The following ZCCHC8 variants were observed in gnomAD, a reference collection of about 807,000 sequenced individuals.
The protein encoded by ZCCHC8 is zinc finger CCHC-type containing 8, also known as zinc finger CCHC domain-containing protein 8.
In ZCCHC8, 27 loss-of-function variants were observed where a neutral mutation model predicts 70.6. The ratio of observed to expected loss-of-function variants is 0.38; its 90% CI spans 0.28 to 0.53. The LOEUF (loss-of-function observed/expected upper bound fraction) is 0.53, where lower values mean the gene tolerates loss of function less well. Ranked by LOEUF, ZCCHC8 falls within the 20% of genes least tolerant of loss-of-function variation. The probability of loss-of-function intolerance (pLI) is 0.81; values close to 1 mark genes in which losing one functional copy is unlikely to be tolerated. For synonymous variants in ZCCHC8, 293 were observed against 317.4 expected (o/e 0.92, Z 0.82); for missense variants, 737 against 876.9 (o/e 0.84, Z 2.01).
At chr12:122,491,303 C>G (rs891901860) in intron 3 of ZCCHC8, among the ~76,000 whole-genome samples, 6 of 152,106 alleles carry the variant, frequency 3.9e-5, no homozygotes, top group African/African-American at 1.4e-4. Context: ...TGTAGATGGG[C>G]AGATCACTTG....
At chr12:122,488,991 T>A (rs1365931333) in intron 5 of ZCCHC8, among the ~76,000 whole-genome samples, 4 of 152,128 alleles carry the variant, frequency 2.6e-5, no homozygotes, top group Non-Finnish European at 5.9e-5. Flanking sequence ...CCTGTTAACT[T>A]CTTCTGTTTT....
Position 122,494,534 on chromosome 12 carries a change from T to A in ZCCHC8, c.243-1745A>T, listed in dbSNP as rs547433365. Among the ~76,000 whole-genome samples, 17 of 138,630 alleles carry A rather than the reference T, an allele frequency of 1.2e-4. 1 individual carries two copies. In the East Asian group the frequency reaches 2.6e-3, roughly 21 times the overall value. 90.9% of individuals were successfully genotyped at this position (138,630 alleles called of 152,430 possible). On this transcript the variant is annotated intron_variant, in intron 2 of 13. Coordinates refer to ENST00000633063, the MANE Select transcript of ZCCHC8 (RefSeq NM_017612.5). ...AAGATTGTGCCACTGCACTCCAGCC[T>A]GGGCAACACAGCGAGACTCTGTTTC...
intron 2 of ZCCHC8, among the ~76,000 whole-genome samples, chr12:122,496,184 A>AC (rs397708261): frequency 3.3e-5 from 5 of 151,398 alleles, no homozygotes; most frequent in African/African-American, 7.3e-5. Flanking sequence ...TTAAAAAAAA[A>AC]CAAAAACCAG....
intron 11 of ZCCHC8, among the ~76,000 whole-genome samples, chr12:122,479,951 C>T (rs1388403791): frequency 1.3e-5 from 2 of 152,148 alleles, no homozygotes; most frequent in Non-Finnish European, 2.9e-5. Flanking sequence ...GCCAGGACTA[C>T]AGGCATGTGC....
chr12:122,492,814 C>A, intron 2 of ZCCHC8, 25 bp from the exon 3 acceptor site: 2 of 1,439,360 alleles, frequency 1.4e-6, no homozygotes, highest in Admixed American at 2.1e-5. Flanking sequence ...AGAACATATT[C>A]TTAGAAGATA....
intron 5 of ZCCHC8, among the ~76,000 whole-genome samples, chr12:122,484,891 C>A (rs1187709456): frequency 2.0e-5 from 3 of 152,156 alleles, no homozygotes; most frequent in African/African-American, 7.2e-5. Flanking sequence ...CTAAAAACAT[C>A]TTCCTCCCTT....
At chr12:122,491,658 G>A (rs986691926) in intron 3 of ZCCHC8, among the ~76,000 whole-genome samples, 6 of 151,698 alleles carry the variant, frequency 4.0e-5, no homozygotes, top group Admixed American at 6.6e-5. Context: ...GAGAAACCCC[G>A]TCTCTACTAA....
In ZCCHC8 at chr12:122,480,273, G is replaced by C. The variant is rs1957505749; in HGVS notation, c.1057C>G (p.Gln353Glu). Residue 353 changes from glutamine (Q) to glutamate (E), a missense_variant, in exon 11 of 14, where the codon CAG (glutamine) becomes GAG (glutamate). Coordinates refer to ENST00000633063, the MANE Select transcript of ZCCHC8 (RefSeq NM_017612.5). ...DGETEVGEIQ[Q>E]NKSVTYDLSK... ...AGATCGTAAGTGACACTTTTATTCT[G>C]TTGTATTTCTCCAACTTCTGTTTCC... The C allele has an allele frequency of 6.2e-7, 1 of 1,608,998 alleles. No homozygotes were observed. Among genetic ancestry groups the C allele is most frequent in the Admixed American group, 1.7e-5 (1 of 59,308 alleles).
At chr12:122,499,916 C>G (rs1461361800) in intron 1 of ZCCHC8, 1 of 152,080 alleles carries the variant, frequency 6.6e-6, no homozygotes, top group African/African-American at 2.4e-5. Flanking sequence ...GGAAAACTAC[C>G]CGAACCAAAG....
intron 2 of ZCCHC8, among the ~76,000 whole-genome samples, chr12:122,496,669 T>A (rs1276710078): frequency 6.6e-6 from 1 of 152,154 alleles, no homozygotes; most frequent in East Asian, 1.9e-4. Context: ...AGCTAATTTT[T>A]AAAAATTTTT....
At chr12:122,485,947 C>T (rs1333254861) in intron 5 of ZCCHC8, among the ~76,000 whole-genome samples, 1 of 152,196 alleles carries the variant, frequency 6.6e-6, no homozygotes, top group Non-Finnish European at 1.5e-5. Flanking sequence ...TTGATCAGCT[C>T]TACTTCCCCA....
At chr12:122,485,724 G>C (rs1293070886) in intron 5 of ZCCHC8, among the ~76,000 whole-genome samples, 1 of 150,760 alleles carries the variant, frequency 6.6e-6, no homozygotes, top group African/African-American at 2.4e-5. Context: ...AGGCTGGAGT[G>C]CAGTGGCGCG....
In ZCCHC8 at chr12:122,500,867, G is replaced by A. The variant is rs1375062967; in HGVS notation, c.-27C>T. 6.4e-7 allele frequency: 1 copy of A among 1,552,816 alleles called. No individual in the cohort carries two copies. Among genetic ancestry groups the A allele is most frequent in the South Asian group, 1.2e-5 (1 of 84,324 alleles). ...TTGGGCTGTGGAAAAGATTCGAGAA[G>A]AGGCGGAGCCGGCCACCAGGGCTTG... On this transcript the variant is annotated 5_prime_UTR_variant, in exon 1 of 14. Coordinates refer to ENST00000633063, the MANE Select transcript of ZCCHC8 (RefSeq NM_017612.5). This position sits in a 1 kb window ranked among gnomAD's most constrained non-coding sequence, Gnocchi z 4.8.
rs1957337515 is a variant in ZCCHC8 at position 122,472,611 on chromosome 12, G to A, written c.*886C>T. On this transcript the variant is annotated 3_prime_UTR_variant, in exon 14 of 14. Coordinates refer to ENST00000633063, the MANE Select transcript of ZCCHC8 (RefSeq NM_017612.5). ...AGGCTGGGCGGGCAGATCACCTGAA[G>A]TCAGGAGGTCAAGACCAGCCTGACC... 6.6e-6 allele frequency: 1 copy of A among 152,262 alleles called. No homozygotes were observed. The highest frequency in any genetic ancestry group is 2.4e-5 in the African/African-American group (1 of 41,462). 9.4% of individuals were successfully genotyped at this position (152,262 alleles called of 1,614,324 possible).
intron 2 of ZCCHC8, among the ~76,000 whole-genome samples, chr12:122,496,324 C>T (rs1957825962): frequency 6.6e-6 from 1 of 152,100 alleles, no homozygotes; most frequent in Non-Finnish European, 1.5e-5. Flanking sequence ...ATCAGCCTGA[C>T]AATATGGAGG....
chr12:122,477,806 AAAG>A, intron 13 of ZCCHC8, 32 bp downstream of exon 13: 2 of 1,497,578 alleles, frequency 1.3e-6, no homozygotes, highest in Admixed American at 1.7e-5. Flanking sequence ...AAAAAAAAAA[AAAG>A]AGAGAAATCA....
chr12:122,474,374 G>T, intron 13 of ZCCHC8, 99 bp from the exon 14 acceptor site: 2 of 1,122,722 alleles, frequency 1.8e-6, no homozygotes, highest in Non-Finnish European at 1.2e-6. Flanking sequence ...TAATTCAATG[G>T]CCAAAAATAA....
At chr12:122,489,276 A>G (rs776118039) in intron 5 of ZCCHC8, 110 bp downstream of exon 5, 11 of 930,182 alleles carry the variant, frequency 1.2e-5, no homozygotes, top group Non-Finnish European at 1.4e-5. Flanking sequence ...AGATGCTGTT[A>G]TCAAGTGAAG....
At chr12:122,477,799 A>G (rs767199348) in intron 13 of ZCCHC8, 42 bp downstream of exon 13, 16 of 1,466,500 alleles carry the variant, frequency 1.1e-5, no homozygotes, top group Non-Finnish European at 1.4e-5. Context: ...TCAAAAAAAA[A>G]AAAAAAAAAG....
Sources: gnomAD v4.1 joint callset for allele counts (sites outside exome capture counted in the v4.1 genomes callset) on GRCh38, gnomAD v4.1.1 for gene constraint, Gnocchi (gnomAD v3.1) non-coding constraint, MANE v1.5 for transcripts, NCBI Gene and HGNC (gene_info 2026-07-23, HGNC 2026-07-21) for gene names.